ZNF483: variants seen among roughly 807,000 people sequenced by gnomAD.
ZNF483 encodes zinc finger protein 483.
ZNF483 carries 9 observed loss-of-function variants against 28.6 expected under a neutral mutation model. The observed-to-expected ratio is 0.32, with a 90% CI of 0.19 to 0.55. The LOEUF is 0.55. ZNF483 is among the 20% of genes least tolerant of loss of function. The pLI is 0.93. For synonymous variants in ZNF483, 322 were observed against 306.2 expected (o/e 1.05, Z -0.54); for missense variants, 675 against 871.7 (o/e 0.77, Z 2.84).
intron 2 of ZNF483, among the ~76,000 whole-genome samples, chr9:111,530,607 C>T (rs1024911178): frequency 6.6e-5 from 10 of 151,024 alleles, no homozygotes; most frequent in Admixed American, 5.3e-4. Context: ...TTAGAGGACA[C>T]CCAGCTGGTG....
chr9:111,527,312 C>T lies in ZNF483; in HGVS notation c.-84C>T. 7.0e-7 allele frequency: 1 copy of T among 1,419,356 alleles called. No homozygotes were observed. Among genetic ancestry groups the T allele is most frequent in the Non-Finnish European group, 9.5e-7 (1 of 1,047,622 alleles). 87.9% of individuals were successfully genotyped at this position (1,419,356 alleles called of 1,614,324 possible). A position where few individuals can be genotyped will look rare whatever the true frequency, so the allele number is the denominator to read the frequency against. On this transcript the variant is annotated 5_prime_UTR_variant, in exon 2 of 6. Coordinates refer to ENST00000309235, the MANE Select transcript of ZNF483 (RefSeq NM_133464.5). Reference sequence around the variant, plus strand: ...TGGATTCCTGGAACCTTTGATATTCCTGGCTGTGTATAGTGCCTGTTGGTG... The same window carrying T: ...TGGATTCCTGGAACCTTTGATATTCTTGGCTGTGTATAGTGCCTGTTGGTG...
At chr9:111,533,996 TA>T in intron 4 of ZNF483, 131 bp downstream of exon 4, 1 of 1,133,602 alleles carries the variant, frequency 8.8e-7, no homozygotes, top group Non-Finnish European at 1.3e-6. Context: ...GGACTAATCC[TA>T]AAAACTGGTT....
downstream of ZNF483, among the ~76,000 whole-genome samples, chr9:111,558,724 G>C (rs1828193379): frequency 6.6e-6 from 1 of 152,066 alleles, no homozygotes; most frequent in South Asian, 2.1e-4. Flanking sequence ...TCATTTATAT[G>C]TGTGTCTATG....
At chr9:111,572,756 C>CAAAA (rs58101079) in intron 5 of ZNF483, among the ~76,000 whole-genome samples, 23 of 63,486 alleles carry the variant, frequency 3.6e-4, no homozygotes, top group East Asian at 2.3e-3. Flanking sequence ...GACCCTGTCT[C>CAAAA]AAAAAAAAAA....
chr9:111,545,664 A>G lies in ZNF483; in HGVS notation c.*2494A>G, dbSNP rs1342780319. The stretch of plus-strand genomic sequence containing the variant: ...TTCTGTACATTTTATGTTATATGTG[A>G]TCTTTCTGTGTTTTTTTCATTAATG... On this transcript the variant is annotated 3_prime_UTR_variant, in exon 6 of 6. Coordinates refer to ENST00000309235, the MANE Select transcript of ZNF483 (RefSeq NM_133464.5). 6.6e-6 allele frequency among the ~76,000 whole-genome samples: 1 copy of G among 152,020 alleles called. No individual in the cohort carries two copies. The highest frequency in any genetic ancestry group is 1.9e-4 in the East Asian group (1 of 5,190).
intron 5 of ZNF483, among the ~76,000 whole-genome samples, chr9:111,564,907 C>T (rs560724814): frequency 4.6e-5 from 7 of 151,718 alleles, no homozygotes; most frequent in African/African-American, 1.2e-4. Context: ...GTGGATCACC[C>T]GAGGTCAGGA....
At chr9:111,561,679 G>A (rs1348210136) in intron 5 of ZNF483, among the ~76,000 whole-genome samples, 1 of 152,174 alleles carries the variant, frequency 6.6e-6, no homozygotes, top group Non-Finnish European at 1.5e-5. Flanking sequence ...CTTCTTTGGT[G>A]TGTTGAATAA....
At chr9:111,532,815 A>G (rs886597916) in intron 3 of ZNF483, among the ~76,000 whole-genome samples, 2 of 152,134 alleles carry the variant, frequency 1.3e-5, no homozygotes, top group South Asian at 4.2e-4. Context: ...AGGCTGAGGC[A>G]TGAGAATCGC....
intron 5 of ZNF483, among the ~76,000 whole-genome samples, chr9:111,540,129 C>A (rs2132252490): frequency 6.6e-6 from 1 of 152,042 alleles, no homozygotes; most frequent in East Asian, 1.9e-4. Flanking sequence ...AAGACCCTAT[C>A]TCTAAAAAAT....
At chr9:111,541,506 T>C (rs1361630766) in intron 5 of ZNF483, 151 bp from the exon 6 acceptor site, 1 of 581,056 alleles carries the variant, frequency 1.7e-6, no homozygotes, top group East Asian at 3.0e-5. Context: ...TTTCCCTATA[T>C]TGCCTTTTCC....
At chr9:111,527,863 T>G (rs1384512004) in intron 2 of ZNF483, 56 bp downstream of exon 2, 8 of 1,613,696 alleles carry the variant, frequency 5.0e-6, no homozygotes, top group Non-Finnish European at 6.8e-6. Context: ...AGTCCGAAAG[T>G]AAATTCCTCA....
Position 111,552,399 on chromosome 9 carries a change from A to G in ZNF483, c.*9229A>G, listed in dbSNP as rs1827994472. Among the ~76,000 whole-genome samples, 1 of 152,238 alleles carries G rather than the reference A, an allele frequency of 6.6e-6. No individual in the cohort carries two copies. The highest frequency in any genetic ancestry group is 6.5e-5 in the Admixed American group (1 of 15,288). ...TCGTTTCTTGGAGTCTGCTTCAGAA[A>G]ATTGAACACAAATATTTTCAGTATG... On this transcript the variant is annotated 3_prime_UTR_variant, in exon 6 of 6. Coordinates refer to ENST00000309235, the MANE Select transcript of ZNF483 (RefSeq NM_133464.5).
downstream of ZNF483, among the ~76,000 whole-genome samples, chr9:111,558,354 ATTC>A (rs748986932): frequency 3.0e-4 from 46 of 152,144 alleles, no homozygotes; most frequent in Non-Finnish European, 5.4e-4. Context: ...TGACTTCATT[ATTC>A]TTTGAGCACT....
At chr9:111,534,792 C>T (rs1450681278) in intron 5 of ZNF483, among the ~76,000 whole-genome samples, 1 of 136,344 alleles carries the variant, frequency 7.3e-6, no homozygotes, top group Non-Finnish European at 1.5e-5. Flanking sequence ...GGCGTGATCT[C>T]GGCTCACTGC....
chr9:111,538,364 C>T (rs1308986316), intron 5 of ZNF483, among the ~76,000 whole-genome samples: 1 of 151,960 alleles, frequency 6.6e-6, no homozygotes, highest in Admixed American at 6.6e-5. Flanking sequence ...AAAATTTAAA[C>T]ATCAGCCAGG....
intron 5 of ZNF483, among the ~76,000 whole-genome samples, chr9:111,572,178 G>A: frequency 6.6e-6 from 1 of 152,224 alleles, no homozygotes; most frequent in East Asian, 1.9e-4. Flanking sequence ...TTGGAAATAT[G>A]AAGCTTTGTC....
intron 2 of ZNF483, among the ~76,000 whole-genome samples, chr9:111,530,119 C>A (rs978848719): frequency 3.9e-5 from 6 of 152,100 alleles, no homozygotes; most frequent in African/African-American, 9.7e-5. Context: ...CTCAGCTCCA[C>A]CCCCCAACCT....
chr9:111,538,928 A>C (rs10980931), intron 5 of ZNF483, among the ~76,000 whole-genome samples: 2 of 151,918 alleles, frequency 1.3e-5, no homozygotes, highest in Non-Finnish European at 2.9e-5. Context: ...CCTGGCCAAC[A>C]TGGTAAAACC....
intron 2 of ZNF483, among the ~76,000 whole-genome samples, chr9:111,529,126 A>G (rs938722582): frequency 2.9e-5 from 4 of 136,344 alleles, no homozygotes; most frequent in African/African-American, 1.1e-4. Context: ...AATAACAGCG[A>G]AACTCCGTCT....
Sources: allele counts gnomAD v4.1 joint callset (sites outside exome capture counted in the v4.1 genomes callset), GRCh38; gene constraint gnomAD v4.1.1; transcripts MANE v1.5; gene names NCBI Gene and HGNC (gene_info 2026-07-23, HGNC 2026-07-21).